The following CHST9 variants were observed in gnomAD, a reference collection of about 807,000 sequenced individuals.
The protein encoded by CHST9 is GalNAc-4-sulfotransferase 2.
Under a neutral mutation model 44.4 loss-of-function variants are expected in CHST9, and 41 were observed. The ratio of observed to expected loss-of-function variants is 0.92; its 90% confidence interval spans 0.72 to 1.20. The LOEUF is 1.20. CHST9 is among the 50% of genes most tolerant of loss of function. CHST9 has a pLI of 0.00. For synonymous variants in CHST9, 171 were observed against 178.4 expected (o/e 0.96, Z 0.33); for missense variants, 504 against 516.5 (o/e 0.98, Z 0.23).
At chr18:27,145,430 C>T (rs1056055858) in intron 1 of CHST9, among the ~76,000 whole-genome samples, 3 of 152,140 alleles carry the variant, frequency 2.0e-5, no homozygotes, top group Admixed American at 1.3e-4. Flanking sequence ...GCGATCCTCC[C>T]GCCTCAGCCT....
At chr18:26,997,573 C>G (rs567330407) in intron 4 of CHST9, among the ~76,000 whole-genome samples, 2 of 152,242 alleles carry the variant, frequency 1.3e-5, no homozygotes, top group Non-Finnish European at 2.9e-5. Context: ...GACAATAATG[C>G]CATGGGAAAG....
At chr18:27,168,409 G>A (rs1222590281) in intron 1 of CHST9, among the ~76,000 whole-genome samples, 2 of 152,128 alleles carry the variant, frequency 1.3e-5, no homozygotes, top group African/African-American at 2.4e-5. Flanking sequence ...TGTTGCTGTA[G>A]GAGGAATACA....
chr18:27,139,627 C>T (rs761274401), intron 2 of CHST9, among the ~76,000 whole-genome samples: 12 of 152,014 alleles, frequency 7.9e-5, no homozygotes, highest in Non-Finnish European at 1.8e-4. Context: ...TACAGTTTTT[C>T]GTCAGAGAAA....
intron 1 of CHST9, among the ~76,000 whole-genome samples, chr18:27,159,894 G>A (rs951014462): frequency 6.6e-6 from 1 of 152,160 alleles, no homozygotes. Flanking sequence ...GTTCACTCAT[G>A]ATTTGGCTCT....
At chr18:26,990,922 C>T (rs989054668) in intron 4 of CHST9, among the ~76,000 whole-genome samples, 2 of 152,106 alleles carry the variant, frequency 1.3e-5, no homozygotes, top group Non-Finnish European at 2.9e-5. Flanking sequence ...TGCTTGCTGC[C>T]TCCCCAGCGT....
chr18:27,097,067 G>GCT (rs1186786127), intron 2 of CHST9, among the ~76,000 whole-genome samples: 1 of 152,042 alleles, frequency 6.6e-6, no homozygotes, highest in Non-Finnish European at 1.5e-5. Context: ...ACATCAAAAA[G>GCT]TTAATTTACC....
At chr18:26,917,885 T>C (rs1002017677) in intron 5 of CHST9, among the ~76,000 whole-genome samples, 13 of 151,850 alleles carry the variant, frequency 8.6e-5, no homozygotes, top group African/African-American at 3.1e-4. Flanking sequence ...ATTTTTTTTT[T>C]CCTGGGAAAA....
At chr18:27,159,998 G>A (rs1199154263) in intron 1 of CHST9, among the ~76,000 whole-genome samples, 1 of 152,184 alleles carries the variant, frequency 6.6e-6, no homozygotes, top group East Asian at 1.9e-4. Context: ...ATCAGCTTAA[G>A]GAGATTTTGG....
intron 4 of CHST9, among the ~76,000 whole-genome samples, chr18:27,000,353 A>G (rs967082247): frequency 1.1e-4 from 17 of 152,372 alleles, no homozygotes; most frequent in African/African-American, 4.1e-4. Flanking sequence ...ATAGTCTTTC[A>G]AGAATAACAA....
At chr18:26,990,249 CA>C (rs1478816777) in intron 4 of CHST9, among the ~76,000 whole-genome samples, 2 of 152,082 alleles carry the variant, frequency 1.3e-5, no homozygotes, top group Non-Finnish European at 1.5e-5. Context: ...AAAAGGGACA[CA>C]AGGAAACTCT....
At chr18:26,936,734 G>A (rs1235751063) in intron 5 of CHST9, 1 of 152,082 alleles carries the variant, frequency 6.6e-6, no homozygotes, top group African/African-American at 2.4e-5. Flanking sequence ...AGAAGGTTAT[G>A]ATTTGAAAAA....
intron 1 of CHST9, among the ~76,000 whole-genome samples, chr18:27,161,413 G>A (rs1346309869): frequency 6.6e-6 from 1 of 152,130 alleles, no homozygotes; most frequent in African/African-American, 2.4e-5. Context: ...CCATGTAGTT[G>A]AGCAGTTTTG....
At chr18:26,968,406 T>TA (rs1325522295) in intron 4 of CHST9, among the ~76,000 whole-genome samples, 1 of 152,320 alleles carries the variant, frequency 6.6e-6, no homozygotes, top group African/African-American at 2.4e-5. Context: ...AACCAACGTT[T>TA]AAAAAAATCA....
At chr18:26,935,470 T>C (rs1195852559) in intron 5 of CHST9, 2 of 152,216 alleles carry the variant, frequency 1.3e-5, no homozygotes, top group East Asian at 3.8e-4. Flanking sequence ...TTTCATTTGT[T>C]TACAAAGTAG....
intron 2 of CHST9, among the ~76,000 whole-genome samples, chr18:27,078,403 C>T (rs2057927104): frequency 6.6e-6 from 1 of 152,004 alleles, no homozygotes; most frequent in South Asian, 2.1e-4. Flanking sequence ...TCTACAAAGC[C>T]TCTGCAAACA....
chr18:27,064,162 G>A (rs1310501530), intron 2 of CHST9, among the ~76,000 whole-genome samples: 5 of 151,928 alleles, frequency 3.3e-5, no homozygotes, highest in Non-Finnish European at 7.3e-5. Flanking sequence ...AAGCTCATTG[G>A]AAACCCTGGG....
At chr18:27,071,870 A>G (rs1259323590) in intron 2 of CHST9, among the ~76,000 whole-genome samples, 5 of 152,184 alleles carry the variant, frequency 3.3e-5, no homozygotes, top group African/African-American at 7.2e-5. Context: ...CATCTTCACA[A>G]TGAATTAGTA....
intron 4 of CHST9, among the ~76,000 whole-genome samples, chr18:26,970,108 A>G (rs2056522655): frequency 6.6e-6 from 1 of 152,074 alleles, no homozygotes; most frequent in Non-Finnish European, 1.5e-5. Flanking sequence ...CCACAGTGAG[A>G]TTATCATGTC....
At chr18:26,981,282 A>G (rs932111956) in intron 4 of CHST9, among the ~76,000 whole-genome samples, 4 of 152,210 alleles carry the variant, frequency 2.6e-5, no homozygotes, top group African/African-American at 9.6e-5. Context: ...CTCCACACCT[A>G]AATACCAAGT....
Sources: gnomAD v4.1 joint callset for allele counts (sites outside exome capture counted in the v4.1 genomes callset) on GRCh38, gnomAD v4.1.1 for gene constraint, MANE v1.5 for transcripts, NCBI Gene and HGNC (gene_info 2026-07-23, HGNC 2026-07-21) for gene names.